The following KLHL24 variants were observed in gnomAD, a reference collection of about 807,000 sequenced individuals.
The protein encoded by KLHL24 is kelch-like protein 24.
Under a neutral mutation model 53.4 loss-of-function variants are expected in KLHL24, and 29 were observed. That is an observed-to-expected ratio of 0.54 (90% confidence interval 0.40 to 0.74). The LOEUF is 0.74. Among genes scored for constraint, KLHL24 ranks in the 30% least tolerant of loss-of-function variants. The probability of loss-of-function intolerance (pLI) is 0.00; values close to 1 mark genes in which losing one functional copy is unlikely to be tolerated. For missense variants in KLHL24, 504 were observed against 744.0 expected (o/e 0.68, Z 3.75); for synonymous variants, 222 against 253.7 (o/e 0.88, Z 1.19).
Position 183,635,713 on chromosome 3 carries a change from A to C in KLHL24, c.-205A>C, listed in dbSNP as rs75972698. 10,787 of 152,810 alleles carry C rather than the reference A, an allele frequency of 0.071. 1,310 individuals are homozygous for C. Among genetic ancestry groups the C allele is most frequent in the African/African-American group, 0.25 (10,278 of 41,508 alleles). The allele number at this position is 152,810 out of a possible 1,614,324, so 9.5% of individuals were successfully genotyped here. A position where few individuals can be genotyped will look rare whatever the true frequency, so the allele number is the denominator to read the frequency against. On this transcript the variant is annotated 5_prime_UTR_variant, in exon 1 of 8. Coordinates refer to ENST00000242810, the MANE Select transcript of KLHL24 (RefSeq NM_017644.3). ...CCCGCCGCTGAGGGACCGCGGGGTTAGCCACTGCTGGCTGCTTCCAGTGTT... is the reference window on the plus strand; with the variant it reads ...CCCGCCGCTGAGGGACCGCGGGGTTCGCCACTGCTGGCTGCTTCCAGTGTT...
At chr3:183,665,735 C>T (rs981873529) in intron 5 of KLHL24, among the ~76,000 whole-genome samples, 2 of 151,684 alleles carry the variant, frequency 1.3e-5, no homozygotes, top group Admixed American at 1.3e-4. Context: ...GGCAACAGAG[C>T]GAGACTCCAT....
intron 2 of KLHL24, among the ~76,000 whole-genome samples, chr3:183,645,240 T>C (rs901030329): frequency 2.6e-5 from 4 of 152,258 alleles, no homozygotes; most frequent in African/African-American, 9.6e-5. Flanking sequence ...ATTACATACA[T>C]TGAACTTTTT....
chr3:183,674,486 G>T (rs964486330), intron 7 of KLHL24, among the ~76,000 whole-genome samples: 1 of 151,568 alleles, frequency 6.6e-6, no homozygotes, highest in African/African-American at 2.4e-5. Flanking sequence ...TCAGCCTCCC[G>T]AGTAGCTGGA....
At chr3:183,654,831 G>A (rs143321770) in intron 3 of KLHL24, among the ~76,000 whole-genome samples, 1 of 152,166 alleles carries the variant, frequency 6.6e-6, no homozygotes, top group African/African-American at 2.4e-5. Flanking sequence ...TCATTTAGCT[G>A]TGTTTCCTGG....
intron 1 of KLHL24, among the ~76,000 whole-genome samples, chr3:183,638,226 G>A (rs1384860202): frequency 7.9e-5 from 12 of 152,204 alleles, no homozygotes; most frequent in Admixed American, 6.5e-4. Flanking sequence ...AACAAAGCCA[G>A]CAACCTAAGT....
intron 3 of KLHL24, among the ~76,000 whole-genome samples, chr3:183,651,856 G>A (rs1718167148): frequency 6.6e-6 from 1 of 151,986 alleles, no homozygotes; most frequent in Admixed American, 6.6e-5. Flanking sequence ...GGTTGAGGTG[G>A]GAGGACTGCT....
intron 3 of KLHL24, among the ~76,000 whole-genome samples, chr3:183,657,174 T>C (rs1719030853): frequency 6.6e-6 from 1 of 152,200 alleles, no homozygotes; most frequent in Admixed American, 6.5e-5. Flanking sequence ...ATGCTAATTT[T>C]CCATTTTGGT....
chr3:183,674,276 TTTCTTTC>T (rs1721798685), intron 7 of KLHL24, among the ~76,000 whole-genome samples: 1 of 150,786 alleles, frequency 6.6e-6, no homozygotes, highest in South Asian at 2.1e-4. Flanking sequence ...TCTTTCTTTC[TTTCTTTC>T]TTTCTTTCTT....
rs1712419057 is a variant in KLHL24, at chr3:183,679,188, A to G, written c.1705A>G (p.Thr569Ala). 1.2e-6 allele frequency: 2 copies of G among 1,613,416 alleles called. No individual in the cohort carries two copies. Among genetic ancestry groups the G allele is most frequent in the Non-Finnish European group, 1.7e-6 (2 of 1,179,334 alleles). ...CACTATTCTCTGTTATGATCCTGCA[A>G]CAAGTATCATCACAGGGGTAGCTGC... ...TDTILCYDPA[T>A]SIITGVAAMP... is the part of the protein sequence containing the mutation. The change falls in exon 8 of 8, where the codon ACA becomes GCA. Residue 569 changes from threonine (T) to alanine (A), a missense_variant. Physicochemically the swap from Thr to Ala is moderately conservative, Grantham distance 58. Transcript: ENST00000242810.
At chr3:183,667,302 G>A (rs1720705325) in intron 5 of KLHL24, among the ~76,000 whole-genome samples, 1 of 152,204 alleles carries the variant, frequency 6.6e-6, no homozygotes, top group African/African-American at 2.4e-5. Flanking sequence ...GGTAGTCCCA[G>A]CTACTCGGGA....
chr3:183,642,654 C>CTATGGGGA (rs1197854108), intron 1 of KLHL24, among the ~76,000 whole-genome samples: 1 of 141,652 alleles, frequency 7.1e-6, no homozygotes, highest in African/African-American at 2.6e-5. Context: ...TAGTTGGTTT[C>CTATGGGGA]TATGGGGATA....
At chr3:183,658,962 C>T (rs1049977139) in intron 3 of KLHL24, among the ~76,000 whole-genome samples, 3 of 151,932 alleles carry the variant, frequency 2.0e-5, no homozygotes, top group African/African-American at 4.8e-5. Context: ...GGTCACCATG[C>T]CCTGCTAATT....
At position 183,664,937 on chromosome 3, in the gene KLHL24, C is replaced by T. The variant is rs1720315719; in HGVS notation, c.1122C>T (p.Ser374=). The part of the protein sequence containing the change: ...DILVSGGRIN[S]RDVWIYNSQL... The stretch of plus-strand genomic sequence containing the variant: ...CATTTCAAGGTGGAAGAATCAACAG[C>T]CGTGATGTCTGGATTTATAACTCAC... The change falls in exon 5 of 8, where the codon AGC becomes AGT. Residue 374 remains serine, a synonymous_variant. Transcript: ENST00000242810. 2.5e-6 allele frequency: 4 copies of T among 1,606,358 alleles called. No homozygotes were observed. Among genetic ancestry groups the T allele is most frequent in the Non-Finnish European group, 3.4e-6 (4 of 1,174,146 alleles).
At chr3:183,658,203 ACT>A (rs1479612111) in intron 3 of KLHL24, among the ~76,000 whole-genome samples, 3 of 129,864 alleles carry the variant, frequency 2.3e-5, no homozygotes, top group African/African-American at 1.1e-4. Context: ...ACAGAGCGAG[ACT>A]CTGTCTCAAA....
At chr3:183,675,845 C>T (rs556805536) in intron 7 of KLHL24, among the ~76,000 whole-genome samples, 4 of 151,778 alleles carry the variant, frequency 2.6e-5, no homozygotes, top group Admixed American at 6.6e-5. Flanking sequence ...TTGTATAAAA[C>T]GATAACAGTT....
intron 5 of KLHL24, among the ~76,000 whole-genome samples, chr3:183,666,610 T>A (rs961447736): frequency 6.6e-6 from 1 of 152,160 alleles, no homozygotes. Context: ...ATTATATTCA[T>A]TGAGCATCCC....
In KLHL24 at chr3:183,650,185, A is replaced by G. The variant is rs1368317247; in HGVS notation, c.-61-111A>G. 3.4e-6 allele frequency: 2 copies of G among 591,872 alleles called. No individual in the cohort carries two copies. The highest frequency in any genetic ancestry group is 2.9e-6 in the Non-Finnish European group (1 of 339,044). The allele number at this position is 591,872 out of a possible 1,614,324, so 36.7% of individuals were successfully genotyped here. ...AACATGAGATAGTGCTGTGTACCCT[A>G]TATGAAATATATTATGTGATTTTGT... is the stretch of plus-strand genomic sequence containing the variant. On this transcript the variant is annotated intron_variant, in intron 2 of 7. Transcript: ENST00000242810. The surrounding 1 kb of genome is among the most constrained non-coding windows in gnomAD (Gnocchi z 4.5).
chr3:183,647,751 C>G (rs1025318620), intron 2 of KLHL24, among the ~76,000 whole-genome samples: 12 of 152,166 alleles, frequency 7.9e-5, no homozygotes, highest in African/African-American at 2.9e-4. Flanking sequence ...CGCCTGTAAT[C>G]CCAGCACTTT....
intron 2 of KLHL24, among the ~76,000 whole-genome samples, chr3:183,646,894 C>G (rs1400774696): frequency 6.6e-6 from 1 of 151,808 alleles, no homozygotes; most frequent in Non-Finnish European, 1.5e-5. Context: ...ACTGCAAGCT[C>G]CACCTCCCAG....
Sources: allele counts gnomAD v4.1 joint callset (sites outside exome capture counted in the v4.1 genomes callset), GRCh38; gene constraint gnomAD v4.1.1; non-coding constraint Gnocchi (gnomAD v3.1); transcripts MANE v1.5; gene names NCBI Gene and HGNC (gene_info 2026-07-23, HGNC 2026-07-21).